Variants in RP1 observed in about 807,000 individuals in gnomAD.
The protein encoded by RP1 is RP1 axonemal microtubule associated.
In RP1, 16 loss-of-function variants were observed where a neutral mutation model predicts 14.8. The observed-to-expected ratio is 1.08, with a 90% confidence interval of 0.73 to 1.65. RP1 has a LOEUF of 1.65. Among genes scored for constraint, RP1 ranks in the 40% most tolerant of loss-of-function variants. The probability of loss-of-function intolerance (pLI) is 0.00; values close to 1 mark genes in which losing one functional copy is unlikely to be tolerated. For synonymous variants in RP1, 876 were observed against 883.6 expected, an observed-to-expected ratio of 0.99 and a Z score of 0.15; for missense variants, 2,631 against 2,535.0, an observed-to-expected ratio of 1.04 and a Z score of -0.81.
chr8:54,651,718 T>C (rs1003374783), intron 4 of RP1, among the ~76,000 whole-genome samples: 1 of 152,164 alleles, frequency 6.6e-6, no homozygotes, highest in Non-Finnish European at 1.5e-5. Flanking sequence ...ATTTATTTTG[T>C]TGTTTTTATA....
chr8:54,824,092 C>T (rs1403610397), intron 24 of RP1, among the ~76,000 whole-genome samples: 1 of 151,544 alleles, frequency 6.6e-6, no homozygotes, highest in Non-Finnish European at 1.5e-5. Flanking sequence ...GGTAAAATAT[C>T]TCTATATCAT....
chr8:54,652,266 C>T (rs1405345848), intron 4 of RP1, among the ~76,000 whole-genome samples: 1 of 152,114 alleles, frequency 6.6e-6, no homozygotes, highest in Non-Finnish European at 1.5e-5. Flanking sequence ...TTGGAATTTA[C>T]ACATATTTTG....
intron 12 of RP1, chr8:54,679,961 G>A: frequency 6.5e-7 from 1 of 1,533,156 alleles, no homozygotes; most frequent in Non-Finnish European, 8.7e-7. Context: ...AGCTTGTGGT[G>A]CTGGACAGGT....
intron 20 of RP1, among the ~76,000 whole-genome samples, chr8:54,755,176 A>G (rs1563366983): frequency 6.6e-6 from 1 of 152,178 alleles, no homozygotes. Flanking sequence ...GCTGTGAGAG[A>G]CAAGAAATGC....
At chr8:54,770,417 A>G (rs1465045755), downstream of RP1, among the ~76,000 whole-genome samples, 1 of 151,608 alleles carries the variant, frequency 6.6e-6, no homozygotes, top group Non-Finnish European at 1.5e-5. Flanking sequence ...GAAAATAATT[A>G]TTTTCCAAAT....
chr8:54,581,012 T>A (rs1461538381), intron 1 of RP1, among the ~76,000 whole-genome samples: 24 of 152,056 alleles, frequency 1.6e-4, no homozygotes, highest in East Asian at 5.8e-4. Context: ...CTATTTATTT[T>A]TTTTTATTAT....
downstream of RP1, among the ~76,000 whole-genome samples, chr8:54,770,664 T>A (rs924001750): frequency 2.7e-5 from 4 of 150,938 alleles, no homozygotes; most frequent in African/African-American, 9.7e-5. Flanking sequence ...ACCACATTTT[T>A]AAATATACTA....
intron 24 of RP1, among the ~76,000 whole-genome samples, chr8:54,798,019 T>G (rs770467458): frequency 2.1e-4 from 32 of 151,984 alleles, no homozygotes; most frequent in Non-Finnish European, 4.4e-4. Flanking sequence ...TTCCCTTTTA[T>G]TTATTTTTAT....
intron 25 of RP1, among the ~76,000 whole-genome samples, chr8:54,841,833 G>T (rs1029451582): frequency 6.6e-6 from 1 of 152,186 alleles, no homozygotes; most frequent in Non-Finnish European, 1.5e-5. Flanking sequence ...CTCTCCAGGA[G>T]AGATGGATGA....
chr8:54,833,984 A>C (rs1383246478), intron 24 of RP1, among the ~76,000 whole-genome samples: 1 of 152,112 alleles, frequency 6.6e-6, no homozygotes, highest in African/African-American at 2.4e-5. Flanking sequence ...TATTTAACAT[A>C]TGTTTAAAGC....
chr8:54,562,156 C>A (rs561775627), intron 1 of RP1, among the ~76,000 whole-genome samples: 1 of 152,176 alleles, frequency 6.6e-6, no homozygotes, highest in Admixed American at 6.5e-5. Flanking sequence ...TTTGCTATTA[C>A]TCAAATGATA....
intron 17 of RP1, among the ~76,000 whole-genome samples, chr8:54,734,232 C>T (rs916386093): frequency 3.9e-5 from 6 of 152,120 alleles, no homozygotes; most frequent in African/African-American, 1.4e-4. Flanking sequence ...TATGAAAAAT[C>T]TGTGGCCATG....
exon 4 of RP1, chr8:54,649,056 A>T (rs1392767725): frequency 6.5e-6 from 10 of 1,532,730 alleles, no homozygotes; most frequent in Non-Finnish European, 8.7e-6. Flanking sequence ...GATTTATATT[A>T]TTCTGTATGG....
At chr8:54,738,066 T>A (rs939337643) in intron 18 of RP1, among the ~76,000 whole-genome samples, 1 of 152,306 alleles carries the variant, frequency 6.6e-6, no homozygotes, top group Non-Finnish European at 1.5e-5. Flanking sequence ...CTGTCTCCCT[T>A]GCTAGTCTGT....
Position 54,638,305 on chromosome 8 carries a change from T to G in RP1, c.788-10680T>G, listed in dbSNP as rs112465480. Reference sequence around the variant, plus strand: ...TACAAAAGATTAGCCAGGCATGGTGTTGTGCACCTGTAATCTCAGCTACTT... The same window carrying G: ...TACAAAAGATTAGCCAGGCATGGTGGTGTGCACCTGTAATCTCAGCTACTT... On this transcript the variant is annotated intron_variant, in intron 3 of 22. Transcript: ENST00000636932. 7.7e-3 allele frequency among the ~76,000 whole-genome samples: 1,166 copies of G among 152,078 alleles called. 20 individuals carry two copies. The highest frequency in any genetic ancestry group is 0.027 in the African/African-American group (1,107 of 41,478).
chr8:54,796,201 T>A (rs1002666064), intron 24 of RP1, among the ~76,000 whole-genome samples: 1 of 152,222 alleles, frequency 6.6e-6, no homozygotes, highest in Non-Finnish European at 1.5e-5. Context: ...CATTTTATCC[T>A]CTGTAAAATT....
upstream of RP1, among the ~76,000 whole-genome samples, chr8:54,613,178 G>A (rs911349644): frequency 4.6e-5 from 7 of 152,152 alleles, no homozygotes; most frequent in East Asian, 1.9e-4. Flanking sequence ...GTTTTTTAAG[G>A]TAGAGGCCAT....
intron 1 of RP1, among the ~76,000 whole-genome samples, chr8:54,610,101 C>T (rs553497917): frequency 1.3e-5 from 2 of 152,248 alleles, no homozygotes; most frequent in South Asian, 2.1e-4. Flanking sequence ...CCATACTGTT[C>T]CACCAAAAAA....
chr8:54,701,562 T>A, exon 14 of RP1: 1 of 1,535,824 alleles, frequency 6.5e-7, no homozygotes, highest in Non-Finnish European at 8.7e-7. Context: ...TCGGCACTGG[T>A]TCCTGGTCAC....
Sources: gnomAD v4.1 joint callset for allele counts (sites outside exome capture counted in the v4.1 genomes callset) on GRCh38, gnomAD v4.1.1 for gene constraint, MANE v1.5 for transcripts, NCBI Gene and HGNC (gene_info 2026-07-23, HGNC 2026-07-21) for gene names.